Variants in NXPH2 observed in about 807,000 individuals in gnomAD.
The protein encoded by NXPH2 is neurexophilin 2, also known as neurexophilin-2.
In NXPH2, 5 loss-of-function variants were observed where a neutral mutation model predicts 19.8. The observed-to-expected ratio is 0.25, with a 90% CI of 0.13 to 0.53. The LOEUF is 0.53. NXPH2 is among the 20% of genes least tolerant of loss of function. The probability of loss-of-function intolerance (pLI) is 0.96; values close to 1 mark genes in which losing one functional copy is unlikely to be tolerated. For synonymous variants in NXPH2, 154 were observed against 127.4 expected, an observed-to-expected ratio of 1.21 and a Z score of -1.41; for missense variants, 289 against 322.8, an observed-to-expected ratio of 0.90 and a Z score of 0.80.
chr2:138,715,908 A>T (rs1681189781), intron 1 of NXPH2, among the ~76,000 whole-genome samples: 1 of 152,134 alleles, frequency 6.6e-6, no homozygotes, highest in Admixed American at 6.6e-5. Flanking sequence ...GCTATATAGT[A>T]GCCTCTCTGT....
At chr2:138,757,702 A>C (rs1681934205) in intron 1 of NXPH2, among the ~76,000 whole-genome samples, 1 of 152,090 alleles carries the variant, frequency 6.6e-6, no homozygotes, top group Non-Finnish European at 1.5e-5. Flanking sequence ...CATCCCCATA[A>C]TAAATCTATT....
chr2:138,710,577 T>G (rs190127113), intron 1 of NXPH2, among the ~76,000 whole-genome samples: 3 of 152,244 alleles, frequency 2.0e-5, no homozygotes, highest in East Asian at 1.9e-4. Flanking sequence ...AGCAGAGTAG[T>G]TAGTTCAAAT....
intron 1 of NXPH2, among the ~76,000 whole-genome samples, chr2:138,726,946 C>T (rs1681369753): frequency 6.6e-6 from 1 of 152,178 alleles, no homozygotes; most frequent in East Asian, 1.9e-4. Context: ...TCTCTCTATT[C>T]ATCCCTCCCT....
intron 1 of NXPH2, among the ~76,000 whole-genome samples, chr2:138,692,455 G>C (rs1680759988): frequency 6.6e-6 from 1 of 152,102 alleles, no homozygotes; most frequent in Non-Finnish European, 1.5e-5. Flanking sequence ...CCCTCTCTCT[G>C]TTTTGTTTTG....
At chr2:138,688,300 C>G (rs1351300679) in intron 1 of NXPH2, among the ~76,000 whole-genome samples, 2 of 152,210 alleles carry the variant, frequency 1.3e-5, no homozygotes, top group Non-Finnish European at 2.9e-5. Context: ...TCTCCTGCCT[C>G]AGCCTCCTGA....
chr2:138,730,870 T>A (rs550536587), intron 1 of NXPH2, among the ~76,000 whole-genome samples: 1 of 152,064 alleles, frequency 6.6e-6, no homozygotes, highest in Admixed American at 6.5e-5. Context: ...GGGTCTGGAG[T>A]GGTTTGTAAT....
intron 1 of NXPH2, among the ~76,000 whole-genome samples, chr2:138,725,526 G>A (rs1308386776): frequency 6.6e-6 from 1 of 152,176 alleles, no homozygotes; most frequent in East Asian, 1.9e-4. Context: ...TTCATTAACA[G>A]AAGCTAAAAT....
intron 1 of NXPH2, among the ~76,000 whole-genome samples, chr2:138,726,070 T>C (rs1209184389): frequency 6.6e-6 from 1 of 152,136 alleles, no homozygotes; most frequent in Non-Finnish European, 1.5e-5. Context: ...TGAGATGGAG[T>C]CCTGCTTTGT....
chr2:138,766,001 T>C (rs903009680), intron 1 of NXPH2, among the ~76,000 whole-genome samples: 1 of 152,228 alleles, frequency 6.6e-6, no homozygotes, highest in Admixed American at 6.5e-5. Flanking sequence ...TGATAATATC[T>C]GAACCTGACA....
chr2:138,746,757 T>A (rs1176956562), intron 1 of NXPH2, among the ~76,000 whole-genome samples: 3 of 152,184 alleles, frequency 2.0e-5, no homozygotes, highest in African/African-American at 7.2e-5. Flanking sequence ...ATTCCTACCA[T>A]CAATTTCACA....
chr2:138,681,222 G>A (rs1573951786), intron 1 of NXPH2, among the ~76,000 whole-genome samples: 1 of 152,174 alleles, frequency 6.6e-6, no homozygotes, highest in African/African-American at 2.4e-5. Context: ...AAACAATATA[G>A]AGTTGTCTTT....
chr2:138,756,465 C>A (rs1188642880), intron 1 of NXPH2, among the ~76,000 whole-genome samples: 2 of 145,190 alleles, frequency 1.4e-5, no homozygotes, highest in Admixed American at 6.8e-5. Flanking sequence ...TTTTTTTTTG[C>A]CTTTTTATGT....
intron 1 of NXPH2, among the ~76,000 whole-genome samples, chr2:138,696,629 A>C (rs967092597): frequency 6.6e-6 from 1 of 152,186 alleles, no homozygotes; most frequent in African/African-American, 2.4e-5. Context: ...GATTAACTAA[A>C]ATTCCTGTAC....
At chr2:138,713,597 C>CTGTG (rs113220668) in intron 1 of NXPH2, among the ~76,000 whole-genome samples, 46 of 149,628 alleles carry the variant, frequency 3.1e-4, no homozygotes, top group Admixed American at 8.7e-4. Context: ...AGAAAACGTT[C>CTGTG]TGTGTGTGTG....
At chr2:138,767,601 T>C (rs1392653497) in intron 1 of NXPH2, among the ~76,000 whole-genome samples, 1 of 152,254 alleles carries the variant, frequency 6.6e-6, no homozygotes, top group African/African-American at 2.4e-5. Context: ...TGATTGATAA[T>C]TTGACTATTG....
At chr2:138,748,084 A>C (rs1356291524) in intron 1 of NXPH2, among the ~76,000 whole-genome samples, 1 of 152,200 alleles carries the variant, frequency 6.6e-6, no homozygotes, top group Admixed American at 6.5e-5. Flanking sequence ...GCCATTTACC[A>C]GGGTAAATTA....
intron 1 of NXPH2, among the ~76,000 whole-genome samples, chr2:138,689,650 A>G (rs903969726): frequency 6.6e-6 from 1 of 152,178 alleles, no homozygotes; most frequent in Non-Finnish European, 1.5e-5. Context: ...AAAATGCTTC[A>G]TTTCTCACTG....
At position 138,670,543 on chromosome 2, in the gene NXPH2, C is replaced by A. The variant is rs1264629665; in HGVS notation, c.*379G>T. ...CATCTGCTGTTTCTGCGGTAACCTT[C>A]CAAAACATATTTCAAAGGCAGGCTC... is the stretch of plus-strand genomic sequence containing the variant. On this transcript the variant is annotated 3_prime_UTR_variant, in exon 2 of 2. Transcript: ENST00000272641. 1.3e-5 allele frequency among the ~76,000 whole-genome samples: 2 copies of A among 152,190 alleles called. No individual in the cohort carries two copies. Among genetic ancestry groups the A allele is most frequent in the Non-Finnish European group, 1.5e-5 (1 of 68,028 alleles).
intron 1 of NXPH2, among the ~76,000 whole-genome samples, chr2:138,775,551 A>C (rs1403244409): frequency 6.6e-6 from 1 of 152,176 alleles, no homozygotes; most frequent in East Asian, 1.9e-4. Context: ...AAAAATACTT[A>C]TGACGAAATA....
Sources: allele counts gnomAD v4.1 joint callset (sites outside exome capture counted in the v4.1 genomes callset), GRCh38; gene constraint gnomAD v4.1.1; transcripts MANE v1.5; gene names NCBI Gene and HGNC (gene_info 2026-07-23, HGNC 2026-07-21).